DCAF5: variants seen among roughly 807,000 people sequenced by gnomAD.
DCAF5 encodes DDB1- and CUL4-associated factor 5.
In DCAF5, 9 loss-of-function variants were observed where a neutral mutation model predicts 80.7. The ratio of observed to expected loss-of-function variants is 0.11; its 90% CI spans 0.07 to 0.19. The LOEUF (loss-of-function observed/expected upper bound fraction) is 0.19, where lower values mean the gene tolerates loss of function less well. DCAF5 is among the 10% of genes least tolerant of loss of function. The probability of loss-of-function intolerance (pLI) is 1.00; values close to 1 mark genes in which losing one functional copy is unlikely to be tolerated. For missense variants in DCAF5, 842 were observed against 1,205.7 expected (o/e 0.70, Z 4.47); for synonymous variants, 433 against 461.9 (o/e 0.94, Z 0.80).
At position 69,099,251 on chromosome 14, in the gene DCAF5, A is replaced by AACACACACACAC. The variant is rs60913200; in HGVS notation, c.666-7376_666-7365dup. ...TGGCAACAGAGTGGGACTCTGTCTC[A>AACACACACACAC]ACACACACACACACACACACACACA... is the stretch of plus-strand genomic sequence containing the variant. On this transcript the variant is annotated intron_variant, in intron 5 of 8. Transcript: ENST00000341516. Among the ~76,000 whole-genome samples the AACACACACACAC allele has an allele frequency of 1.2e-3, 154 of 124,340 alleles. 1 individual carries two copies. The highest frequency in any genetic ancestry group is 1.9e-3 in the African/African-American group (62 of 33,248). 81.6% of individuals were successfully genotyped at this position (124,340 alleles called of 152,430 possible). A position where few individuals can be genotyped will look rare whatever the true frequency, so the allele number is the denominator to read the frequency against.
At chr14:69,109,672 A>C (rs1341324595) in intron 5 of DCAF5, among the ~76,000 whole-genome samples, 1 of 152,132 alleles carries the variant, frequency 6.6e-6, no homozygotes, top group Non-Finnish European at 1.5e-5. Flanking sequence ...TGTTTGTGTA[A>C]TATTCTATTG....
chr14:69,088,687 G>A (rs2139957635), intron 6 of DCAF5, among the ~76,000 whole-genome samples: 1 of 152,288 alleles, frequency 6.6e-6, no homozygotes, highest in East Asian at 1.9e-4. Flanking sequence ...ATTCCTGTCT[G>A]GGATGGTTAC....
At chr14:69,075,782 C>T (rs2038875622) in intron 6 of DCAF5, among the ~76,000 whole-genome samples, 1 of 152,120 alleles carries the variant, frequency 6.6e-6, no homozygotes, top group Non-Finnish European at 1.5e-5. Flanking sequence ...CCACAACTGG[C>T]CTAAACATAC....
At chr14:69,137,026 G>A (rs954611357) in intron 1 of DCAF5, among the ~76,000 whole-genome samples, 1 of 151,970 alleles carries the variant, frequency 6.6e-6, no homozygotes, top group East Asian at 1.9e-4. Context: ...CTGAATAAGT[G>A]GAATTACTTC....
At chr14:69,098,381 T>C (rs2039811491) in intron 5 of DCAF5, among the ~76,000 whole-genome samples, 1 of 152,208 alleles carries the variant, frequency 6.6e-6, no homozygotes, top group Non-Finnish European at 1.5e-5. Flanking sequence ...CTGGCCCACT[T>C]CATTTTCCTC....
At chr14:69,153,177 G>A (rs2041761912), upstream of DCAF5, 1 of 427,158 alleles carries the variant, frequency 2.3e-6, no homozygotes, top group Non-Finnish European at 4.1e-6. Context: ...CCTTCCCCCC[G>A]AGGCTCCTCC....
At chr14:69,108,221 T>G (rs185474208) in intron 5 of DCAF5, among the ~76,000 whole-genome samples, 3 of 152,178 alleles carry the variant, frequency 2.0e-5, no homozygotes, top group African/African-American at 7.2e-5. Flanking sequence ...TGTGCCAAAA[T>G]AGTGCCAGGT....
At chr14:69,126,196 T>G (rs2040869087) in intron 1 of DCAF5, among the ~76,000 whole-genome samples, 1 of 151,590 alleles carries the variant, frequency 6.6e-6, no homozygotes, top group Non-Finnish European at 1.5e-5. Flanking sequence ...TTTTTTTTTT[T>G]GCCCAGGCTG....
chr14:69,065,911 T>C (rs904356935), intron 7 of DCAF5, among the ~76,000 whole-genome samples: 3 of 152,170 alleles, frequency 2.0e-5, no homozygotes, highest in Non-Finnish European at 4.4e-5. Context: ...GGGTCATCTC[T>C]TAAGACTGTG....
chr14:69,086,516 C>T (rs978535553), intron 6 of DCAF5, among the ~76,000 whole-genome samples: 10 of 150,724 alleles, frequency 6.6e-5, no homozygotes, highest in African/African-American at 2.0e-4. Flanking sequence ...TGGAAACCAA[C>T]GGTTGAATTT....
intron 5 of DCAF5, among the ~76,000 whole-genome samples, chr14:69,094,448 T>C (rs1566748253): frequency 1.3e-5 from 2 of 152,318 alleles, no homozygotes; most frequent in East Asian, 3.9e-4. Flanking sequence ...CTCTGACCTC[T>C]CACACAAAGA....
intron 6 of DCAF5, among the ~76,000 whole-genome samples, chr14:69,079,506 TCA>T (rs1433220280): frequency 1.3e-5 from 2 of 152,154 alleles, no homozygotes; most frequent in Admixed American, 1.3e-4. Context: ...ATTTAAGTGT[TCA>T]CACACTCTGG....
chr14:69,097,566 GATT>G (rs1374693882), intron 5 of DCAF5, among the ~76,000 whole-genome samples: 8 of 124,028 alleles, frequency 6.5e-5, no homozygotes, highest in East Asian at 2.4e-4. Flanking sequence ...TCACCCACTG[GATT>G]ATTATTATTA....
At chr14:69,128,705 T>C (rs1021884895) in intron 1 of DCAF5, among the ~76,000 whole-genome samples, 2 of 151,638 alleles carry the variant, frequency 1.3e-5, no homozygotes, top group Admixed American at 6.6e-5. Flanking sequence ...GAGGCGGAGG[T>C]TGCAGTGAGC....
intron 1 of DCAF5, among the ~76,000 whole-genome samples, chr14:69,142,874 T>C (rs2041418142): frequency 6.6e-6 from 1 of 151,820 alleles, no homozygotes; most frequent in Admixed American, 6.6e-5. Flanking sequence ...TATATTGTTT[T>C]TACTTTTAAC....
At chr14:69,104,248 C>T (rs1246575655) in intron 5 of DCAF5, among the ~76,000 whole-genome samples, 2 of 152,156 alleles carry the variant, frequency 1.3e-5, no homozygotes, top group African/African-American at 2.4e-5. Context: ...CACATCTTTA[C>T]CAGCATGGCT....
At chr14:69,109,418 G>T (rs1377542579) in intron 5 of DCAF5, among the ~76,000 whole-genome samples, 2 of 151,494 alleles carry the variant, frequency 1.3e-5, no homozygotes, top group East Asian at 1.9e-4. Flanking sequence ...ATTTATATAG[G>T]TATACAACCA....
chr14:69,075,607 G>C (rs1407425862), intron 6 of DCAF5, among the ~76,000 whole-genome samples, 196 bp from the exon 7 acceptor site: 3 of 152,114 alleles, frequency 2.0e-5, no homozygotes, highest in South Asian at 2.1e-4. Flanking sequence ...TCAACCTCCA[G>C]AGTAGCTGGG....
At chr14:69,139,871 A>C (rs1183966570) in intron 1 of DCAF5, among the ~76,000 whole-genome samples, 73 of 143,594 alleles carry the variant, frequency 5.1e-4, no homozygotes, top group African/African-American at 1.9e-3. Flanking sequence ...GAAGGGAAGG[A>C]GGGAGGAAGG....
Sources: allele counts gnomAD v4.1 joint callset (sites outside exome capture counted in the v4.1 genomes callset), GRCh38; gene constraint gnomAD v4.1.1; transcripts MANE v1.5; gene names NCBI Gene and HGNC (gene_info 2026-07-23, HGNC 2026-07-21).